Variants in ANKRD36 observed in about 807,000 individuals in gnomAD.
ANKRD36 encodes the protein ankyrin repeat domain 36.
ANKRD36 carries 179 observed loss-of-function variants against 278.1 expected under a neutral mutation model. The observed-to-expected ratio is 0.64, with a 90% CI of 0.57 to 0.73. The LOEUF is 0.73. ANKRD36 is among the 30% of genes least tolerant of loss of function. The pLI, the probability that ANKRD36 is intolerant of heterozygous loss-of-function variation, is 0.00. For missense variants in ANKRD36, 1,159 were observed against 1,956.7 expected (o/e 0.59, Z 7.69); for synonymous variants, 320 against 641.1 (o/e 0.50, Z 7.57).
In ANKRD36 at chr2:97,202,243, C is replaced by G. The variant is rs759245276; in HGVS notation, c.2886+13C>G. 6.3e-7 allele frequency: 1 copy of G among 1,596,222 alleles called. No individual in the cohort carries two copies. The highest frequency in any genetic ancestry group is 8.5e-7 in the Non-Finnish European group (1 of 1,175,814). Reference sequence around the variant, plus strand: ...ACCAGCCTTGAAGGTAATGAAACTCCCATTTATCTTGTGAACGAGTTAATG... The same window carrying G: ...ACCAGCCTTGAAGGTAATGAAACTCGCATTTATCTTGTGAACGAGTTAATG... On this transcript the variant is annotated intron_variant, in intron 47 of 75. Coordinates refer to ENST00000420699, the MANE Select transcript of ANKRD36 (RefSeq NM_001354587.1).
intron 67 of ANKRD36, among the ~76,000 whole-genome samples, chr2:97,225,719 C>T (rs540943254): frequency 3.3e-5 from 5 of 151,822 alleles, no homozygotes; most frequent in Non-Finnish European, 7.3e-5. Flanking sequence ...TGGTGTGCTG[C>T]ACCCATTAAC....
At chr2:97,219,012 T>G (rs1259302614) in intron 64 of ANKRD36, 38 bp from the exon 65 acceptor site, 1 of 1,535,992 alleles carries the variant, frequency 6.5e-7, no homozygotes, top group Non-Finnish European at 8.8e-7. Flanking sequence ...CTTACCATAT[T>G]TACATATGAT....
At chr2:97,243,199 T>C (rs1437958275) in intron 69 of ANKRD36, among the ~76,000 whole-genome samples, 1 of 144,796 alleles carries the variant, frequency 6.9e-6, no homozygotes, top group Admixed American at 7.0e-5. Context: ...CTTGGTTTTA[T>C]ACATTTTAGA....
rs1259085384 is a variant in ANKRD36, at chr2:97,181,746, T to C, written c.1790T>C (p.Val597Ala). The stretch of plus-strand genomic sequence containing the variant: ...GCTACAAGTGACGAGAAAGATTCTG[T>C]TTCAAATATAGCCACAGAAATAAAG... ...EKATSDEKDSVSNIATEIKKG... is the reference protein window; with the variant it reads ...EKATSDEKDSASNIATEIKKG... The change falls in exon 26 of 76, where the codon GTT becomes GCT. Residue 597 changes from valine (V) to alanine (A), a missense_variant. By Grantham distance (64) the Val-to-Ala change is moderately conservative. Coordinates refer to ENST00000420699, the MANE Select transcript of ANKRD36 (RefSeq NM_001354587.1). 6.2e-7 allele frequency: 1 copy of C among 1,609,420 alleles called. No individual in the cohort carries two copies. The highest frequency in any genetic ancestry group is 1.7e-5 in the Admixed American group (1 of 59,586).
rs1349529382 is a variant in ANKRD36, at chr2:97,124,526, T to C, written c.660T>C (p.Asn220=). ...TAGTCATTCTTCTTCTGCAGCACAATATTGATGTGCTTTCTCGAGATGCGT... is the reference window on the plus strand; with the variant it reads ...TAGTCATTCTTCTTCTGCAGCACAACATTGATGTGCTTTCTCGAGATGCGT... The part of the protein sequence containing the change: ...KDIVILLLQH[N]IDVLSRDAFR... Residue 220 remains asparagine (N), a synonymous_variant, in exon 5 of 76, where the codon AAT becomes AAC. Coordinates refer to ENST00000420699, the MANE Select transcript of ANKRD36 (RefSeq NM_001354587.1). 1 of 1,553,082 alleles carries C rather than the reference T, an allele frequency of 6.4e-7. No individual in the cohort carries two copies. The highest frequency in any genetic ancestry group is 8.7e-7 in the Non-Finnish European group (1 of 1,147,336).
intron 22 of ANKRD36, among the ~76,000 whole-genome samples, chr2:97,176,918 C>T (rs1277272659): frequency 6.6e-6 from 1 of 151,560 alleles, no homozygotes; most frequent in South Asian, 2.1e-4. Flanking sequence ...AATTGTATAT[C>T]TAGAAAACCC....
At chr2:97,118,242 A>C in intron 2 of ANKRD36, 64 bp downstream of exon 2, 3 of 1,581,422 alleles carry the variant, frequency 1.9e-6, no homozygotes, top group Non-Finnish European at 2.6e-6. Context: ...GATAAAATGA[A>C]TTTATCTCAT....
chr2:97,164,526 G>A, intron 20 of ANKRD36, 57 bp downstream of exon 20: 1 of 1,513,718 alleles, frequency 6.6e-7, no homozygotes, highest in South Asian at 1.2e-5. Context: ...TATTGAAAAT[G>A]CTCATAGTTT....
chr2:97,256,471 C>G (rs1438676020), intron 75 of ANKRD36, among the ~76,000 whole-genome samples: 3 of 149,264 alleles, frequency 2.0e-5, no homozygotes, highest in Non-Finnish European at 4.4e-5. Context: ...GTTTTTATTT[C>G]TTCCATGTTA....
At chr2:97,227,686 G>A (rs1302765326) in intron 67 of ANKRD36, among the ~76,000 whole-genome samples, 2 of 152,102 alleles carry the variant, frequency 1.3e-5, no homozygotes, top group African/African-American at 4.8e-5. Flanking sequence ...GTGAGAGAGG[G>A]CATCCCTGTC....
At chr2:97,202,115 C>G in intron 46 of ANKRD36, 87 bp from the exon 47 acceptor site, 1 of 1,588,442 alleles carries the variant, frequency 6.3e-7, no homozygotes, top group Non-Finnish European at 8.5e-7. Flanking sequence ...GGCAGGAGGA[C>G]AGAGGTTGAT....
At chr2:97,125,187 T>C (rs2038223918) in intron 5 of ANKRD36, among the ~76,000 whole-genome samples, 1 of 151,650 alleles carries the variant, frequency 6.6e-6, no homozygotes, top group Non-Finnish European at 1.5e-5. Flanking sequence ...TGGTAGTGAT[T>C]AACCTTTGCT....
At chr2:97,217,400 A>T in intron 64 of ANKRD36, 28 bp downstream of exon 64, 1 of 1,549,194 alleles carries the variant, frequency 6.5e-7, no homozygotes, top group Non-Finnish European at 8.7e-7. Context: ...ATTTAATGTC[A>T]TGTGCACTCA....
At chr2:97,209,922 AAT>A (rs1558812106) in intron 56 of ANKRD36, 50 bp downstream of exon 56, 1 of 1,537,078 alleles carries the variant, frequency 6.5e-7, no homozygotes. Context: ...ATAGGTAAGA[AAT>A]TCTCTTCCCT....
intron 54 of ANKRD36, among the ~76,000 whole-genome samples, 196 bp from the exon 55 acceptor site, chr2:97,209,485 G>A (rs1036339478): frequency 2.1e-5 from 3 of 145,824 alleles, no homozygotes; most frequent in African/African-American, 8.1e-5. Context: ...AATTGTAAGG[G>A]TATATTTCAT....
chr2:97,185,186 C>A, intron 28 of ANKRD36, 130 bp from the exon 29 acceptor site: 1 of 1,300,770 alleles, frequency 7.7e-7, no homozygotes, highest in Non-Finnish European at 1.1e-6. Flanking sequence ...GTTCCAGTCC[C>A]CAGACACAAA....
chr2:97,150,863 AATTTT>A (rs2045744088), intron 12 of ANKRD36, among the ~76,000 whole-genome samples: 1 of 150,570 alleles, frequency 6.6e-6, no homozygotes, highest in Non-Finnish European at 1.5e-5. Flanking sequence ...AAGTTGCTGG[AATTTT>A]ATTGTTTTTT....
intron 12 of ANKRD36, among the ~76,000 whole-genome samples, chr2:97,149,926 AT>A (rs1194982812): frequency 2.6e-5 from 4 of 151,756 alleles, no homozygotes; most frequent in Admixed American, 2.6e-4. Context: ...AATTGTGGAA[AT>A]TTAACTAGAC....
At chr2:97,116,413 A>G (rs2035374363) in intron 1 of ANKRD36, among the ~76,000 whole-genome samples, 1 of 151,894 alleles carries the variant, frequency 6.6e-6, no homozygotes, top group African/African-American at 2.4e-5. Flanking sequence ...AGCTGGGATT[A>G]CAGGTGTGCG....
Sources: allele counts gnomAD v4.1 joint callset (sites outside exome capture counted in the v4.1 genomes callset), GRCh38; gene constraint gnomAD v4.1.1; transcripts MANE v1.5; gene names NCBI Gene and HGNC (gene_info 2026-07-23, HGNC 2026-07-21).